Variants in NRDC observed in about 807,000 individuals in gnomAD.
NRDC encodes the protein nardilysin convertase, also known as nardilysin.
A neutral mutation model predicts 147.1 loss-of-function variants in NRDC; 54 were observed. The observed-to-expected ratio is 0.37, with a 90% CI of 0.29 to 0.46. The LOEUF is 0.46. Among genes scored for constraint, NRDC ranks in the 20% least tolerant of loss-of-function variants. The pLI, the probability that NRDC is intolerant of heterozygous loss-of-function variation, is 1.00. For synonymous variants in NRDC, 440 were observed against 482.1 expected, an observed-to-expected ratio of 0.91 and a Z score of 1.14; for missense variants, 1,082 against 1,370.6, an observed-to-expected ratio of 0.79 and a Z score of 3.33.
intron 8 of NRDC, among the ~76,000 whole-genome samples, 158 bp from the exon 9 acceptor site, chr1:51,820,031 A>G (rs1332385054): frequency 2.6e-5 from 4 of 152,208 alleles, no homozygotes; most frequent in Non-Finnish European, 1.5e-5. Flanking sequence ...CACAGCCACA[A>G]AATCTTCAGT....
chr1:51,853,945 T>C (rs1682112007), intron 1 of NRDC, among the ~76,000 whole-genome samples: 1 of 152,208 alleles, frequency 6.6e-6, no homozygotes, highest in Admixed American at 6.5e-5. Context: ...TTGCTAATTT[T>C]TCTTGTGCTT....
At chr1:51,840,038 T>C (rs1193723566) in intron 2 of NRDC, 188 bp downstream of exon 2, 1 of 502,922 alleles carries the variant, frequency 2.0e-6, no homozygotes, top group African/African-American at 2.0e-5. Flanking sequence ...TTAGTTTATA[T>C]AATGAGCATT....
chr1:51,877,640 CA>C (rs1683397572), intron 1 of NRDC, among the ~76,000 whole-genome samples: 1 of 152,082 alleles, frequency 6.6e-6, no homozygotes, highest in African/African-American at 2.4e-5. Context: ...CTGTACAAAC[CA>C]AAAGTAGAGA....
At chr1:51,832,746 GA>G (rs199882699) in intron 4 of NRDC, among the ~76,000 whole-genome samples, 4 of 150,250 alleles carry the variant, frequency 2.7e-5, no homozygotes, top group East Asian at 1.9e-4. Flanking sequence ...AAAGCTTAAA[GA>G]AAAAAAAAGT....
chr1:51,812,447 G>A (rs1205483993), intron 14 of NRDC, among the ~76,000 whole-genome samples: 1 of 152,088 alleles, frequency 6.6e-6, no homozygotes, highest in Non-Finnish European at 1.5e-5. Flanking sequence ...AGGGATGCTT[G>A]AGCCCAGGAG....
intron 3 of NRDC, 75 bp downstream of exon 3, chr1:51,836,056 A>G: frequency 9.0e-7 from 1 of 1,109,370 alleles, no homozygotes; most frequent in Non-Finnish European, 1.4e-6. Context: ...TCACTTGCTA[A>G]TCTTTGATAT....
intron 24 of NRDC, 111 bp from the exon 25 acceptor site, chr1:51,792,535 C>A (rs1043263115): frequency 7.9e-6 from 7 of 888,016 alleles, no homozygotes; most frequent in Admixed American, 7.6e-5. Flanking sequence ...TCGCTCTCCC[C>A]CAAGAGAGTT....
At chr1:51,828,319 C>T (rs995107111) in intron 4 of NRDC, among the ~76,000 whole-genome samples, 11 of 152,228 alleles carry the variant, frequency 7.2e-5, no homozygotes, top group South Asian at 2.1e-4. Flanking sequence ...GGAGCCTTTT[C>T]GGAAATGTTC....
At chr1:51,855,272 C>T (rs960238771) in intron 1 of NRDC, among the ~76,000 whole-genome samples, 2 of 152,142 alleles carry the variant, frequency 1.3e-5, no homozygotes, top group African/African-American at 4.8e-5. Flanking sequence ...GCTACCTGGT[C>T]CTCTTTGCGT....
Position 51,805,511 on chromosome 1 carries a change from T to G in NRDC, c.2161A>C (p.Asn721His). ...ISPLIQKSAA[N>H]VVLFDIFVNI... The stretch of plus-strand genomic sequence containing the variant: ...CCAGAAAAAAAGACAATTGCTTACT[T>G]TGCTGCAGATTTCTGTATCAACGGT... The change falls in exon 19 of 31, where the codon AAT becomes CAT. Residue 721 changes from asparagine to histidine, a missense_variant and splice_region_variant. Transcript: ENST00000352171. 1 of 1,579,184 alleles carries G rather than the reference T, an allele frequency of 6.3e-7. No individual in the cohort carries two copies. Among genetic ancestry groups the G allele is most frequent in the Non-Finnish European group, 8.6e-7 (1 of 1,167,640 alleles).
chr1:51,833,994 A>G (rs775090648), intron 4 of NRDC, 23 bp downstream of exon 4: 1 of 1,599,544 alleles, frequency 6.3e-7, no homozygotes, highest in Non-Finnish European at 8.6e-7. Flanking sequence ...CATTAAAATT[A>G]AAGTATATTT....
intron 1 of NRDC, among the ~76,000 whole-genome samples, chr1:51,849,432 CA>C (rs973361722): frequency 2.7e-5 from 4 of 150,814 alleles, no homozygotes; most frequent in East Asian, 2.0e-4. Context: ...CAAAACAAAA[CA>C]AAAAAAACCC....
intron 1 of NRDC, among the ~76,000 whole-genome samples, chr1:51,841,702 T>C (rs1230329737): frequency 1.3e-5 from 2 of 152,130 alleles, no homozygotes; most frequent in South Asian, 2.1e-4. Context: ...ATAAAAAGGA[T>C]AAAACAAAAT....
intron 11 of NRDC, among the ~76,000 whole-genome samples, chr1:51,815,505 C>T (rs184404946): frequency 1.9e-4 from 29 of 152,190 alleles, no homozygotes; most frequent in South Asian, 6.2e-4. Flanking sequence ...AGAGAGGACA[C>T]CAGAATAGAG....
At chr1:51,870,853 T>A (rs1683051400) in intron 1 of NRDC, among the ~76,000 whole-genome samples, 2 of 152,088 alleles carry the variant, frequency 1.3e-5, no homozygotes, top group Non-Finnish European at 2.9e-5. Context: ...TCTATTACTG[T>A]CTGTATCTTC....
chr1:51,821,276 A>G (rs1680197378), intron 8 of NRDC, among the ~76,000 whole-genome samples: 1 of 152,202 alleles, frequency 6.6e-6, no homozygotes, highest in African/African-American at 2.4e-5. Context: ...ATTGCTTACT[A>G]TATACATTTA....
intron 14 of NRDC, 140 bp downstream of exon 14, chr1:51,813,895 C>T (rs1050492445): frequency 1.6e-6 from 1 of 634,554 alleles, no homozygotes; most frequent in Non-Finnish European, 2.9e-6. Flanking sequence ...TTTCAGATAG[C>T]TTCAAGGCCA....
rs1246329521 is a variant in NRDC, at chr1:51,863,576, GAAGT to G, written c.341+14695_341+14698del. Among the ~76,000 whole-genome samples the G allele has an allele frequency of 2.6e-5, 4 of 152,200 alleles. No homozygotes were observed. The East Asian group carries it at 5.8e-4, about 22-fold the overall frequency. On this transcript the variant is annotated intron_variant, in intron 1 of 30. Transcript: ENST00000352171. Reference sequence around the variant, plus strand: ...CCTGTGCTATAAAAAGTTAAAACAAGAAGTAATACCTCCATTCCCCCACAAACTA... The same window carrying G: ...CCTGTGCTATAAAAAGTTAAAACAAGAATACCTCCATTCCCCCACAAACTA...
At chr1:51,865,754 T>A (rs961532067) in intron 1 of NRDC, among the ~76,000 whole-genome samples, 9 of 152,092 alleles carry the variant, frequency 5.9e-5, no homozygotes, top group African/African-American at 9.7e-5. Flanking sequence ...TAATTTTTTT[T>A]AAAACCTAAC....
Sources: gnomAD v4.1 joint callset for allele counts (sites outside exome capture counted in the v4.1 genomes callset) on GRCh38, gnomAD v4.1.1 for gene constraint, MANE v1.5 for transcripts, NCBI Gene and HGNC (gene_info 2026-07-23, HGNC 2026-07-21) for gene names.